The following CKAP4 variants were observed in gnomAD, a reference collection of about 807,000 sequenced individuals.
The protein encoded by CKAP4 is cytoskeleton-associated protein 4.
In CKAP4, 20 loss-of-function variants were observed where a neutral mutation model predicts 24.4. The ratio of observed to expected loss-of-function variants is 0.82; its 90% CI spans 0.58 to 1.19. The LOEUF (loss-of-function observed/expected upper bound fraction) is 1.19. Ranked by LOEUF, CKAP4 falls within the 50% of genes most tolerant of loss-of-function variation. CKAP4 has a pLI of 0.00. For missense variants in CKAP4, 744 were observed against 765.3 expected, an observed-to-expected ratio of 0.97 and a Z score of 0.33; for synonymous variants, 378 against 351.7, an observed-to-expected ratio of 1.07 and a Z score of -0.84.
In CKAP4 at chr12:106,239,750, C is replaced by A. The variant is rs766428918; in HGVS notation, c.1083G>T (p.Glu361Asp). The change falls in exon 2 of 2, where the codon GAG (glutamate) becomes GAT (aspartate). Residue 361 changes from glutamate (E) to aspartate (D), a missense_variant. Around this residue, in one of 3 missense-constraint regions of CKAP4, gnomAD observed 401 missense variants for 424.5 expected, o/e 0.94. Coordinates refer to ENST00000378026, the MANE Select transcript of CKAP4 (RefSeq NM_006825.4). This position sits in a 1 kb window ranked among gnomAD's most constrained non-coding sequence, Gnocchi z 4.9. Reference protein sequence around the residue: ...ALTEKLLRSEESVSRLPEEIR... With the variant: ...ALTEKLLRSEDSVSRLPEEIR... ...TCTCCTCCGGGAGGCGGGAGACGGACTCCTCAGACCTGAGAAGCTTCTCCG... is the reference window on the plus strand; with the variant it reads ...TCTCCTCCGGGAGGCGGGAGACGGAATCCTCAGACCTGAGAAGCTTCTCCG... 1.6e-5 allele frequency: 26 copies of A among 1,613,848 alleles called. No individual in the cohort carries two copies. Among genetic ancestry groups the A allele is most frequent in the Non-Finnish European group, 1.8e-5 (21 of 1,179,996 alleles).
At chr12:106,241,343 T>TTTG (rs2033969041) in intron 1 of CKAP4, among the ~76,000 whole-genome samples, 1 of 149,758 alleles carries the variant, frequency 6.7e-6, no homozygotes, top group African/African-American at 2.5e-5. Flanking sequence ...TTTTTTTTTT[T>TTTG]TTTTTTTGAG....
Position 106,238,596 on chromosome 12 carries a change from C to CAA in CKAP4, c.*426_*427dup, listed in dbSNP as rs63264962. 5 of 141,914 alleles carry CAA rather than the reference C, an allele frequency of 3.5e-5. No homozygotes were observed. Among genetic ancestry groups the CAA allele is most frequent in the Non-Finnish European group, 6.0e-5 (4 of 66,912 alleles). The allele number at this position is 141,914 out of a possible 1,614,324, so 8.8% of individuals were successfully genotyped here. ...TATCTCATAAAAATTTCGGCCAGAA[C>CAA]AAAAAAAAAAGTAAAATTAATTTTC... On this transcript the variant is annotated 3_prime_UTR_variant, in exon 2 of 2. Transcript: ENST00000378026.
rs181525494 is a variant in CKAP4, at chr12:106,239,014, C to T, written c.*10G>A. ...GGACTTTAAATCCGCGCCCTGCACA[C>T]GCAATTCATTTAGACCTTTTCGTGA... On this transcript the variant is annotated 3_prime_UTR_variant, in exon 2 of 2. Transcript: ENST00000378026. This position sits in a 1 kb window ranked among gnomAD's most constrained non-coding sequence, Gnocchi z 4.9. 7.6e-5 allele frequency: 122 copies of T among 1,607,516 alleles called. 1 individual carries two copies. The highest frequency in any genetic ancestry group is 6.7e-4 in the East Asian group (30 of 44,708).
rs115785750 is a variant in CKAP4 at position 106,240,120 on chromosome 12, T to C, written c.713A>G (p.Glu238Gly). 271 of 1,614,188 alleles carry C rather than the reference T, an allele frequency of 1.7e-4. 1 individual carries two copies. The African/African-American group carries it at 3.2e-3, about 19-fold the overall frequency. ...TTTGGTGAGCTCCGTCAGCCGCTCCTCCACCGTGTTCTCCAGGGACGTGAA... is the reference window on the plus strand; with the variant it reads ...TTTGGTGAGCTCCGTCAGCCGCTCCCCCACCGTGTTCTCCAGGGACGTGAA... ...RDFTSLENTV[E>G]ERLTELTKSI... The change falls in exon 2 of 2, where the codon GAG (glutamate) becomes GGG (glycine). Residue 238 changes from glutamate (E) to glycine (G), a missense_variant. Glu to Gly is a moderately conservative substitution (Grantham distance 98). This residue lies in a region of CKAP4 where 43 missense variants were observed against 76.4 expected (regional missense o/e 0.56). Transcript: ENST00000378026.
chr12:106,241,521 G>C (rs990251067), intron 1 of CKAP4, among the ~76,000 whole-genome samples: 1 of 151,974 alleles, frequency 6.6e-6, no homozygotes, highest in Non-Finnish European at 1.5e-5. Context: ...TTTTAGTAGA[G>C]ACGGGGTTTC....
In CKAP4 at chr12:106,239,350, C is replaced by T. The variant is rs757053036; in HGVS notation, c.1483G>A (p.Glu495Lys). Reference sequence around the variant, plus strand: ...AGTGATTCCACGGTGCTGGGGAGCTCGCCCACACTCCTCTTCAGCTCCTCC... The same window carrying T: ...AGTGATTCCACGGTGCTGGGGAGCTTGCCCACACTCCTCTTCAGCTCCTCC... ...DVEELKRSVG[E>K]LPSTVESLQK... Residue 495 changes from glutamate to lysine, a missense_variant, in exon 2 of 2, where the codon GAG (glutamate) becomes AAG (lysine). Around this residue, in one of 3 missense-constraint regions of CKAP4, gnomAD observed 401 missense variants for 424.5 expected, o/e 0.94. Coordinates refer to ENST00000378026, the MANE Select transcript of CKAP4 (RefSeq NM_006825.4). The surrounding 1 kb of genome is among the most constrained non-coding windows in gnomAD (Gnocchi z 4.9). The T allele has an allele frequency of 5.0e-6, 8 of 1,605,544 alleles. No individual in the cohort carries two copies. In the Admixed American group the frequency reaches 8.3e-5, roughly 17 times the overall value.
chr12:106,239,587 C>T lies in CKAP4; in HGVS notation c.1246G>A (p.Val416Met), dbSNP rs139797231. 142 of 1,613,970 alleles carry T rather than the reference C, an allele frequency of 8.8e-5. No individual in the cohort carries two copies. Among genetic ancestry groups the T allele is most frequent in the Non-Finnish European group, 1.1e-4 (129 of 1,180,026 alleles). Residue 416 changes from valine (V) to methionine (M), a missense_variant, in exon 2 of 2, where the codon GTG (valine) becomes ATG (methionine). Coordinates refer to ENST00000378026, the MANE Select transcript of CKAP4 (RefSeq NM_006825.4). The surrounding 1 kb of genome is among the most constrained non-coding windows in gnomAD (Gnocchi z 4.9). ...SQGLDSRLQH[V>M]EDGVLSMQVA... The stretch of plus-strand genomic sequence containing the variant: ...TGCATGGAGAGCACCCCATCCTCCA[C>T]GTGCTGGAGCCTGGAGTCCAGTCCC...
Position 106,247,724 on chromosome 12 carries a change from G to T in CKAP4, c.128C>A (p.Pro43Gln), listed in dbSNP as rs894435853. ...CGGGTGCGGCGCGGGCGGCGGCGGC[G>T]GCTGCTGCGGCGCCGGCGGCGGCTT... ...AKKPPPAPQQ[P>Q]PPPPAPHPQQ... The change falls in exon 1 of 2, where the codon CCG becomes CAG. Residue 43 changes from proline to glutamine, a missense_variant. Pro to Gln is a moderately conservative substitution (Grantham distance 76). This residue lies in a region of CKAP4 where 300 missense variants were observed against 264.5 expected (regional missense o/e 1.13). Transcript: ENST00000378026. This position sits in a 1 kb window ranked among gnomAD's most constrained non-coding sequence, Gnocchi z 4.5. 3.5e-4 allele frequency: 293 copies of T among 845,530 alleles called. 1 individual carries two copies. The highest frequency in any genetic ancestry group is 3.3e-3 in the Middle Eastern group (6 of 1,806). The allele number at this position is 845,530 out of a possible 1,614,324, so 52.4% of individuals were successfully genotyped here.
At position 106,239,769 on chromosome 12, in the gene CKAP4, T is replaced by C. The variant is rs756540458; in HGVS notation, c.1064A>G (p.Lys355Arg). Residue 355 changes from lysine to arginine, a missense_variant, in exon 2 of 2, where the codon AAG (lysine) becomes AGG (arginine). Coordinates refer to ENST00000378026, the MANE Select transcript of CKAP4 (RefSeq NM_006825.4). This position sits in a 1 kb window ranked among gnomAD's most constrained non-coding sequence, Gnocchi z 4.9. Reference sequence around the variant, plus strand: ...GACGGACTCCTCAGACCTGAGAAGCTTCTCCGTGAGGGCCTGCAGGGCGAG... The same window carrying C: ...GACGGACTCCTCAGACCTGAGAAGCCTCTCCGTGAGGGCCTGCAGGGCGAG... ...ERLALQALTE[K>R]LLRSEESVSR... 1 of 1,613,760 alleles carries C rather than the reference T, an allele frequency of 6.2e-7. No individual in the cohort carries two copies. Among genetic ancestry groups the C allele is most frequent in the South Asian group, 1.1e-5 (1 of 91,062 alleles).
At chr12:106,242,036 A>C (rs2033974478) in intron 1 of CKAP4, among the ~76,000 whole-genome samples, 2 of 152,200 alleles carry the variant, frequency 1.3e-5, no homozygotes, top group Admixed American at 6.5e-5. Context: ...AAAAGTTAAA[A>C]AATAAAACAG....
chr12:106,239,572 G>C lies in CKAP4; in HGVS notation c.1261C>G (p.Leu421Val). ...CGCGCAGAAGCCACCTGCATGGAGA[G>C]CACCCCATCCTCCACGTGCTGGAGC... ...SRLQHVEDGV[L>V]SMQVASARQT... The change falls in exon 2 of 2, where the codon CTC becomes GTC. Residue 421 changes from leucine to valine, a missense_variant. Around this residue, in one of 3 missense-constraint regions of CKAP4, gnomAD observed 401 missense variants for 424.5 expected, o/e 0.94. Coordinates refer to ENST00000378026, the MANE Select transcript of CKAP4 (RefSeq NM_006825.4). The surrounding 1 kb of genome is among the most constrained non-coding windows in gnomAD (Gnocchi z 4.9). 1 of 1,613,800 alleles carries C rather than the reference G, an allele frequency of 6.2e-7. No homozygotes were observed. The highest frequency in any genetic ancestry group is 8.5e-7 in the Non-Finnish European group (1 of 1,179,966).
chr12:106,237,992 GTTTTT>G lies in CKAP4; in HGVS notation c.*1027_*1031del. Reference sequence around the variant, plus strand: ...TTTTTTTTTTTTTTTTACTTTTCGGGTTTTTTTTTTTTTTTTTTTTTCAATTTTTT... The same window carrying G: ...TTTTTTTTTTTTTTTTACTTTTCGGGTTTTTTTTTTTTTTTTCAATTTTTT... On this transcript the variant is annotated 3_prime_UTR_variant, in exon 2 of 2. Transcript: ENST00000378026. The G allele has an allele frequency of 9.9e-3, 701 of 70,532 alleles. 4 individuals carry two copies. The highest frequency in any genetic ancestry group is 0.037 in the African/African-American group (599 of 16,276). 4.4% of individuals were successfully genotyped at this position (70,532 alleles called of 1,614,324 possible).
In CKAP4 at chr12:106,247,695, G is replaced by T; in HGVS notation, c.157C>A (p.Gln53Lys). ...PPPPPAPHPQ[Q>K]HPQQHPQNQA... ...TTCTGCGGGTGCTGCTGCGGGTGCTGCTGCGGGTGCGGCGCGGGCGGCGGC... is the reference window on the plus strand; with the variant it reads ...TTCTGCGGGTGCTGCTGCGGGTGCTTCTGCGGGTGCGGCGCGGGCGGCGGC... Residue 53 changes from glutamine to lysine, a missense_variant, in exon 1 of 2, where the codon CAG becomes AAG. Transcript: ENST00000378026. This position sits in a 1 kb window ranked among gnomAD's most constrained non-coding sequence, Gnocchi z 4.5. 1 of 1,050,740 alleles carries T rather than the reference G, an allele frequency of 9.5e-7. No individual in the cohort carries two copies. The highest frequency in any genetic ancestry group is 1.9e-5 in the African/African-American group (1 of 52,696). The allele number at this position is 1,050,740 out of a possible 1,614,324, so 65.1% of individuals were successfully genotyped here.
At chr12:106,240,682 A>G (rs1357363216) in intron 1 of CKAP4, among the ~76,000 whole-genome samples, 3 of 150,314 alleles carry the variant, frequency 2.0e-5, no homozygotes, top group East Asian at 3.9e-4. Context: ...AAAAAAAAAA[A>G]GAAAAAAAAA....
Position 106,247,935 on chromosome 12 carries a change from C to G in CKAP4, c.-84G>C, listed in dbSNP as rs2034032942. On this transcript the variant is annotated 5_prime_UTR_variant, in exon 1 of 2. Transcript: ENST00000378026. The surrounding 1 kb of genome is among the most constrained non-coding windows in gnomAD (Gnocchi z 4.5). ...CCCGGGAAACTTGCAGGGGCTCCCC[C>G]GGGACTGGGCGAGCGGCACGCGGGC... The G allele has an allele frequency of 1.1e-5, 9 of 847,530 alleles. No individual in the cohort carries two copies. The South Asian group carries it at 3.2e-4, about 30-fold the overall frequency. The allele number at this position is 847,530 out of a possible 1,614,324, so 52.5% of individuals were successfully genotyped here.
In CKAP4 at chr12:106,238,995, TA is replaced by T. The variant is rs2033938509; in HGVS notation, c.*28del. 6.3e-7 allele frequency: 1 copy of T among 1,596,298 alleles called. No individual in the cohort carries two copies. The highest frequency in any genetic ancestry group is 1.7e-5 in the Admixed American group (1 of 58,948). On this transcript the variant is annotated 3_prime_UTR_variant, in exon 2 of 2. Coordinates refer to ENST00000378026, the MANE Select transcript of CKAP4 (RefSeq NM_006825.4). The stretch of plus-strand genomic sequence containing the variant: ...TTTTTGGTCATGAGAAATTGGACTT[TA>T]AATCCGCGCCCTGCACACGCAATTC...
rs145855030 is a variant in CKAP4, at chr12:106,239,242, C to G, written c.1591G>C (p.Asp531His). Reference protein sequence around the residue: ...AARLPPQDFLDRLSSLDNLKA... With the variant: ...AARLPPQDFLHRLSSLDNLKA... ...AGGTTGTCTAGAGAAGAAAGTCTGT[C>G]CAGGAAGTCCTGAGGAGGCAGACGG... The change falls in exon 2 of 2, where the codon GAC becomes CAC. Residue 531 changes from aspartate (D) to histidine (H), a missense_variant. Asp to His is a moderately conservative substitution (Grantham distance 81). Around this residue, in one of 3 missense-constraint regions of CKAP4, gnomAD observed 401 missense variants for 424.5 expected, o/e 0.94. Transcript: ENST00000378026. This position sits in a 1 kb window ranked among gnomAD's most constrained non-coding sequence, Gnocchi z 4.9. 11 of 1,613,952 alleles carry G rather than the reference C, an allele frequency of 6.8e-6. No homozygotes were observed. The highest frequency in any genetic ancestry group is 9.3e-6 in the Non-Finnish European group (11 of 1,180,058).
At chr12:106,241,228 A>C (rs2033967379) in intron 1 of CKAP4, among the ~76,000 whole-genome samples, 1 of 152,258 alleles carries the variant, frequency 6.6e-6, no homozygotes, top group African/African-American at 2.4e-5. Context: ...TGTTAAAACA[A>C]ACAGGGAAAG....
rs1388717976 is a variant in CKAP4, at chr12:106,247,757, A to G, written c.95T>C (p.Val32Ala). The G allele has an allele frequency of 9.5e-7, 1 of 1,051,492 alleles. No homozygotes were observed. Among genetic ancestry groups the G allele is most frequent in the Non-Finnish European group, 1.1e-6 (1 of 878,804 alleles). 65.1% of individuals were successfully genotyped at this position (1,051,492 alleles called of 1,614,324 possible). A position where few individuals can be genotyped will look rare whatever the true frequency, so the allele number is the denominator to read the frequency against. The part of the protein sequence containing the change: ...GAHPSGGADD[V>A]AKKPPPAPQQ... ...CGGCGCCGGCGGCGGCTTCTTCGCC[A>G]CGTCATCCGCGCCGCCCGACGGGTG... Residue 32 changes from valine (V) to alanine (A), a missense_variant, in exon 1 of 2, where the codon GTG (valine) becomes GCG (alanine). Transcript: ENST00000378026. This position sits in a 1 kb window ranked among gnomAD's most constrained non-coding sequence, Gnocchi z 4.5.
Sources: allele counts gnomAD v4.1 joint callset (sites outside exome capture counted in the v4.1 genomes callset), GRCh38; gene constraint gnomAD v4.1.1; regional missense constraint gnomAD v4.1.1; non-coding constraint Gnocchi (gnomAD v3.1); transcripts MANE v1.5; gene names NCBI Gene and HGNC (gene_info 2026-07-23, HGNC 2026-07-21).